B3GAT2: variants seen among roughly 807,000 people sequenced by gnomAD.
The protein encoded by B3GAT2 is galactosylgalactosylxylosylprotein 3-beta-glucuronosyltransferase 2.
Under a neutral mutation model 27.8 loss-of-function variants are expected in B3GAT2, and 26 were observed. The ratio of observed to expected loss-of-function variants is 0.93; its 90% CI spans 0.68 to 1.30. The LOEUF is 1.30. Among genes scored for constraint, B3GAT2 ranks in the 50% most tolerant of loss-of-function variants. The pLI is 0.00. For synonymous variants in B3GAT2, 218 were observed against 195.1 expected, an observed-to-expected ratio of 1.12 and a Z score of -0.98; for missense variants, 458 against 459.0, an observed-to-expected ratio of 1.00 and a Z score of 0.02.
chr6:70,886,063 T>C (rs922792778), intron 2 of B3GAT2, among the ~76,000 whole-genome samples: 3 of 152,270 alleles, frequency 2.0e-5, no homozygotes, highest in African/African-American at 7.2e-5. Flanking sequence ...GTTCTACTCC[T>C]GGCTGCTTTG....
At chr6:70,931,052 G>T (rs1201636690) in intron 1 of B3GAT2, among the ~76,000 whole-genome samples, 1 of 152,118 alleles carries the variant, frequency 6.6e-6, no homozygotes, top group Non-Finnish European at 1.5e-5. Context: ...GATGAAGCTG[G>T]AAACCATCAT....
intron 1 of B3GAT2, among the ~76,000 whole-genome samples, chr6:70,935,084 T>C (rs1773121427): frequency 6.6e-6 from 1 of 151,644 alleles, no homozygotes. Flanking sequence ...ACTTTGAACC[T>C]CAAAATATTA....
intron 1 of B3GAT2, among the ~76,000 whole-genome samples, chr6:70,938,600 C>G (rs1765335890): frequency 6.6e-6 from 1 of 150,938 alleles, no homozygotes; most frequent in Non-Finnish European, 1.5e-5. Context: ...AATAACGCTG[C>G]ATATCTACAA....
At chr6:70,890,675 G>A (rs369061855) in intron 2 of B3GAT2, among the ~76,000 whole-genome samples, 17 of 152,324 alleles carry the variant, frequency 1.1e-4, no homozygotes, top group East Asian at 5.8e-4. Flanking sequence ...ACTCTCCAGC[G>A]CGTGGGGGGC....
At chr6:70,871,310 T>C (rs965545691) in intron 2 of B3GAT2, among the ~76,000 whole-genome samples, 5 of 151,266 alleles carry the variant, frequency 3.3e-5, no homozygotes, top group Non-Finnish European at 5.9e-5. Flanking sequence ...TCCCTTCTAT[T>C]TTTTGGAGGA....
At chr6:70,936,542 T>C (rs1269380468) in intron 1 of B3GAT2, among the ~76,000 whole-genome samples, 9 of 152,086 alleles carry the variant, frequency 5.9e-5, no homozygotes, top group African/African-American at 2.2e-4. Flanking sequence ...ACAGAAATTA[T>C]AACAAACTGT....
intron 2 of B3GAT2, among the ~76,000 whole-genome samples, chr6:70,880,951 G>A (rs1424559776): frequency 3.9e-5 from 6 of 152,132 alleles, no homozygotes; most frequent in Non-Finnish European, 7.3e-5. Context: ...TTACAGATGT[G>A]AGCCACCACA....
intron 1 of B3GAT2, among the ~76,000 whole-genome samples, chr6:70,953,317 G>A (rs1400135427): frequency 6.6e-6 from 1 of 152,072 alleles, no homozygotes; most frequent in African/African-American, 2.4e-5. Flanking sequence ...TCTGAGAACG[G>A]GTGTATGGTA....
chr6:70,915,867 G>C (rs181384843), intron 1 of B3GAT2, among the ~76,000 whole-genome samples: 1 of 152,264 alleles, frequency 6.6e-6, no homozygotes, highest in East Asian at 1.9e-4. Context: ...TTTTGCCCAG[G>C]ATTGTCTTGG....
In B3GAT2 at chr6:70,956,284, C is replaced by T; in HGVS notation, c.146G>A (p.Gly49Asp). ...GCCCCTGCGGAGCGGGAGTCGGGCG[C>T]CCCCGCGGCCCACCGCGTAGGGAGA... ...YFSPYAVGRG[G>D]ARLPLRRGGP... Residue 49 changes from glycine to aspartate, a missense_variant, in exon 1 of 4, where the codon GGC becomes GAC. Physicochemically the swap from Gly to Asp is moderately conservative, Grantham distance 94 (BLOSUM62 -1). Coordinates refer to ENST00000230053, the MANE Select transcript of B3GAT2 (RefSeq NM_080742.3). 1.2e-6 allele frequency: 2 copies of T among 1,603,126 alleles called. No homozygotes were observed. Among genetic ancestry groups the T allele is most frequent in the South Asian group, 1.1e-5 (1 of 90,028 alleles).
intron 2 of B3GAT2, among the ~76,000 whole-genome samples, chr6:70,888,586 G>T (rs1389621988): frequency 6.6e-6 from 1 of 152,120 alleles, no homozygotes; most frequent in African/African-American, 2.4e-5. Context: ...TCCAGGCCCA[G>T]CCCTCCTCCC....
At chr6:70,929,485 A>C (rs1205270751) in intron 1 of B3GAT2, among the ~76,000 whole-genome samples, 1 of 152,230 alleles carries the variant, frequency 6.6e-6, no homozygotes, top group Non-Finnish European at 1.5e-5. Flanking sequence ...TAAGCTGATA[A>C]GCAACTTCAG....
intron 2 of B3GAT2, among the ~76,000 whole-genome samples, chr6:70,876,195 C>T (rs780891628): frequency 1.3e-5 from 2 of 152,138 alleles, no homozygotes; most frequent in Admixed American, 6.5e-5. Context: ...TAGTCCAACC[C>T]AGAAAATATA....
At chr6:70,877,220 G>A (rs1457379348) in intron 2 of B3GAT2, among the ~76,000 whole-genome samples, 1 of 152,228 alleles carries the variant, frequency 6.6e-6, no homozygotes, top group African/African-American at 2.4e-5. Flanking sequence ...GGCCCCACCG[G>A]GGGTGTTCAG....
chr6:70,872,178 G>T (rs1771948416), intron 2 of B3GAT2, among the ~76,000 whole-genome samples: 1 of 151,766 alleles, frequency 6.6e-6, no homozygotes, highest in African/African-American at 2.4e-5. Context: ...ATTCTTGTTG[G>T]GTGGAGTGTT....
intron 1 of B3GAT2, among the ~76,000 whole-genome samples, chr6:70,919,448 G>A (rs909822348): frequency 1.3e-5 from 2 of 152,162 alleles, no homozygotes; most frequent in Non-Finnish European, 2.9e-5. Context: ...TCCCTTGCTG[G>A]CGAGGAGTTG....
At chr6:70,948,616 T>C (rs1197953624) in intron 1 of B3GAT2, among the ~76,000 whole-genome samples, 2 of 151,580 alleles carry the variant, frequency 1.3e-5, no homozygotes, top group African/African-American at 4.8e-5. Context: ...TCCATGCTCA[T>C]GGGTAGGAAG....
chr6:70,935,486 C>G (rs1204027826), intron 1 of B3GAT2, among the ~76,000 whole-genome samples: 1 of 149,894 alleles, frequency 6.7e-6, no homozygotes, highest in Non-Finnish European at 1.5e-5. Context: ...ATATATATAT[C>G]TCCATCCAAA....
chr6:70,908,595 A>G (rs539456105), intron 1 of B3GAT2, among the ~76,000 whole-genome samples: 3 of 152,348 alleles, frequency 2.0e-5, no homozygotes, highest in South Asian at 4.1e-4. Flanking sequence ...TTTAATCTAT[A>G]ATGCCATTTA....
Sources: gnomAD v4.1 joint callset for allele counts (sites outside exome capture counted in the v4.1 genomes callset) on GRCh38, gnomAD v4.1.1 for gene constraint, MANE v1.5 for transcripts, NCBI Gene and HGNC (gene_info 2026-07-23, HGNC 2026-07-21) for gene names.